NR1I2: variants seen among roughly 807,000 people sequenced by gnomAD.
The protein encoded by NR1I2 is nuclear receptor subfamily 1 group I member 2, also known as orphan nuclear receptor PAR1.
A neutral mutation model predicts 43.3 loss-of-function variants in NR1I2; 42 were observed. That is an observed-to-expected ratio of 0.97 (90% CI 0.76 to 1.26). The LOEUF is 1.26. NR1I2 is among the 50% of genes most tolerant of loss of function. The pLI, the probability that NR1I2 is intolerant of heterozygous loss-of-function variation, is 0.00. For synonymous variants in NR1I2, 229 were observed against 215.0 expected (o/e 1.06, Z -0.57); for missense variants, 559 against 566.7 (o/e 0.99, Z 0.14).
rs6793724 is a variant in NR1I2 at position 119,792,288 on chromosome 3, C to T, written c.-23+9988C>T. The T allele has an allele frequency of 2.5e-3, 3,751 of 1,483,664 alleles. 83 individuals are homozygous for T. The African/African-American group carries it at 0.044, about 17-fold the overall frequency. 91.9% of individuals were successfully genotyped at this position (1,483,664 alleles called of 1,614,324 possible). A position where few individuals can be genotyped will look rare whatever the true frequency, so the allele number is the denominator to read the frequency against. On this transcript the variant is annotated intron_variant, in intron 1 of 8. Coordinates refer to ENST00000393716, the MANE Select transcript of NR1I2 (RefSeq NM_003889.4). ...GCAGGTGAGCGACGACCTTATGGAG[C>T]GAGCAGCCACCTTTGGGCTCATCCT...
intron 1 of NR1I2, among the ~76,000 whole-genome samples, chr3:119,783,951 A>G (rs565310469): frequency 2.6e-5 from 4 of 152,264 alleles, no homozygotes; most frequent in Admixed American, 6.5e-5. Flanking sequence ...CACAGTGTAC[A>G]CTTCTTTTAT....
intron 1 of NR1I2, among the ~76,000 whole-genome samples, chr3:119,805,219 A>T (rs2055139856): frequency 6.6e-6 from 1 of 151,956 alleles, no homozygotes; most frequent in South Asian, 2.1e-4. Flanking sequence ...GCATTTTCTC[A>T]TGTCTAATTC....
chr3:119,801,540 G>A (rs1396797110), intron 1 of NR1I2, among the ~76,000 whole-genome samples: 1 of 152,230 alleles, frequency 6.6e-6, no homozygotes, highest in Non-Finnish European at 1.5e-5. Flanking sequence ...GAGTGGCATG[G>A]GAGCAGGACT....
At chr3:119,809,867 C>T (rs1333431236) in intron 2 of NR1I2, among the ~76,000 whole-genome samples, 194 bp from the exon 3 acceptor site, 1 of 152,174 alleles carries the variant, frequency 6.6e-6, no homozygotes, top group Non-Finnish European at 1.5e-5. Context: ...TCTGCCCCCT[C>T]TAGCTGAGTC....
intron 5 of NR1I2, among the ~76,000 whole-genome samples, chr3:119,813,546 G>A (rs544846261): frequency 6.6e-6 from 1 of 152,108 alleles, no homozygotes; most frequent in Non-Finnish European, 1.5e-5. Context: ...TAGGGATGGT[G>A]CCAGGTGTAT....
chr3:119,789,599 A>T (rs941575402), intron 1 of NR1I2, among the ~76,000 whole-genome samples: 3 of 152,162 alleles, frequency 2.0e-5, no homozygotes, highest in African/African-American at 7.2e-5. Flanking sequence ...ACAATTCCAG[A>T]TGAGATTTTG....
chr3:119,817,174 C>T lies in NR1I2; in HGVS notation c.1267C>T (p.Pro423Ser), dbSNP rs1559792589. 2 of 1,614,212 alleles carry T rather than the reference C, an allele frequency of 1.2e-6. No individual in the cohort carries two copies. The highest frequency in any genetic ancestry group is 2.2e-5 in the East Asian group (1 of 44,884). ...CCAGGACATACACCCCTTTGCTACGCCCCTCATGCAGGAGTTGTTCGGCAT... is the reference window on the plus strand; with the variant it reads ...CCAGGACATACACCCCTTTGCTACGTCCCTCATGCAGGAGTTGTTCGGCAT... Residue 423 changes from proline to serine, a missense_variant, in exon 9 of 9, where the codon CCC becomes TCC. Around this residue, in one of 3 missense-constraint regions of NR1I2, gnomAD observed 323 missense variants for 312.2 expected, o/e 1.03. Coordinates refer to ENST00000393716, the MANE Select transcript of NR1I2 (RefSeq NM_003889.4).
At chr3:119,804,268 G>A (rs1480986113) in intron 1 of NR1I2, among the ~76,000 whole-genome samples, 6 of 150,048 alleles carry the variant, frequency 4.0e-5, no homozygotes, top group Admixed American at 2.0e-4. Flanking sequence ...CCAGCTACTC[G>A]GGAGGCTGAG....
chr3:119,782,623 G>A, intron 1 of NR1I2: 1 of 674,426 alleles, frequency 1.5e-6, no homozygotes, highest in South Asian at 1.7e-5. Context: ...CAGGGCTGGA[G>A]TCCCTGGACC....
At chr3:119,804,531 G>A (rs549484015) in intron 1 of NR1I2, among the ~76,000 whole-genome samples, 72 of 144,456 alleles carry the variant, frequency 5.0e-4, no homozygotes, top group African/African-American at 1.6e-3. Context: ...TGCAGCCTCC[G>A]CCTCCTGGGT....
chr3:119,810,458 C>T (rs1310292820), intron 3 of NR1I2: 1 of 555,744 alleles, frequency 1.8e-6, no homozygotes, highest in East Asian at 3.0e-5. Context: ...CCTCTGTCTC[C>T]CCTCAGTTGC....
chr3:119,815,729 G>T lies in NR1I2; in HGVS notation c.1058G>T (p.Arg353Leu), dbSNP rs200382925. Reference sequence around the variant, plus strand: ...ACCACACCTCCCTCCCCTCCAGACCGCCCAGGTGTGCTGCAGCACCGCGTG... The same window carrying T: ...ACCACACCTCCCTCCCCTCCAGACCTCCCAGGTGTGCTGCAGCACCGCGTG... Residue 353 changes from arginine to leucine, a missense_variant, in exon 8 of 9, where the codon CGC becomes CTC. By Grantham distance (102) the Arg-to-Leu change is moderately radical. Coordinates refer to ENST00000393716, the MANE Select transcript of NR1I2 (RefSeq NM_003889.4). The T allele has an allele frequency of 1.2e-6, 2 of 1,612,230 alleles. No homozygotes were observed. The highest frequency in any genetic ancestry group is 1.7e-6 in the Non-Finnish European group (2 of 1,179,124).
intron 7 of NR1I2, 29 bp from the exon 8 acceptor site, chr3:119,815,697 A>G (rs751381972): frequency 1.9e-6 from 3 of 1,577,804 alleles, no homozygotes; most frequent in East Asian, 2.3e-5. Flanking sequence ...TTGCCCCATG[A>G]TCTTGCACCA....
rs536681004 is a variant in NR1I2 at position 119,817,269 on chromosome 3, C to T, written c.*57C>T. On this transcript the variant is annotated 3_prime_UTR_variant, in exon 9 of 9. Coordinates refer to ENST00000393716, the MANE Select transcript of NR1I2 (RefSeq NM_003889.4). Reference sequence around the variant, plus strand: ...CAGCCAGACCCAGAGCCCTCTGAGCCGCCACTCCCGGGCCAAGACAGATGG... The same window carrying T: ...CAGCCAGACCCAGAGCCCTCTGAGCTGCCACTCCCGGGCCAAGACAGATGG... 1.9e-5 allele frequency: 31 copies of T among 1,609,016 alleles called. No individual in the cohort carries two copies. In the East Asian group the frequency reaches 2.2e-4, roughly 12 times the overall value.
chr3:119,808,269 G>C (rs1195685640), intron 2 of NR1I2, among the ~76,000 whole-genome samples: 3 of 152,234 alleles, frequency 2.0e-5, no homozygotes, highest in Admixed American at 6.5e-5. Context: ...TGAGAGCTCT[G>C]ATTGCAGTCT....
chr3:119,804,084 T>C (rs2055117503), intron 1 of NR1I2, among the ~76,000 whole-genome samples: 2 of 150,780 alleles, frequency 1.3e-5, no homozygotes, highest in South Asian at 4.3e-4. Flanking sequence ...TATATTTACA[T>C]TTAATGGCCA....
chr3:119,816,282 G>C (rs527758966), intron 8 of NR1I2, among the ~76,000 whole-genome samples: 1 of 152,278 alleles, frequency 6.6e-6, no homozygotes, highest in Admixed American at 6.5e-5. Context: ...TCCTTGTATG[G>C]AGGCAGGAGG....
At chr3:119,792,350 G>A in intron 1 of NR1I2, 3 of 1,414,666 alleles carry the variant, frequency 2.1e-6, no homozygotes, top group Non-Finnish European at 2.0e-6. Context: ...CCTTCAGGAA[G>A]GAGTTCACAG....
intron 1 of NR1I2, among the ~76,000 whole-genome samples, chr3:119,788,381 G>A (rs1023735738): frequency 1.3e-5 from 2 of 151,960 alleles, no homozygotes; most frequent in Non-Finnish European, 2.9e-5. Context: ...GCCCCCCTAA[G>A]CATTGGGATT....
Sources: gnomAD v4.1 joint callset for allele counts (sites outside exome capture counted in the v4.1 genomes callset) on GRCh38, gnomAD v4.1.1 for gene constraint, gnomAD v4.1.1 regional missense constraint, MANE v1.5 for transcripts, NCBI Gene and HGNC (gene_info 2026-07-23, HGNC 2026-07-21) for gene names.